Variants in DAB1 observed in about 807,000 individuals in gnomAD.
DAB1 encodes DAB adaptor protein 1.
Under a neutral mutation model 64.6 loss-of-function variants are expected in DAB1, and 15 were observed. The observed-to-expected ratio is 0.23, with a 90% CI of 0.16 to 0.36. The LOEUF (loss-of-function observed/expected upper bound fraction) is 0.36. Ranked by LOEUF, DAB1 falls within the 10% of genes least tolerant of loss-of-function variation. The pLI, the probability that DAB1 is intolerant of heterozygous loss-of-function variation, is 1.00. For synonymous variants in DAB1, 235 were observed against 251.9 expected (o/e 0.93, Z 0.64); for missense variants, 596 against 706.7 (o/e 0.84, Z 1.78).
At chr1:57,625,031 C>T (rs924931430) in intron 7 of DAB1, among the ~76,000 whole-genome samples, 8 of 149,832 alleles carry the variant, frequency 5.3e-5, no homozygotes, top group African/African-American at 1.9e-4. Flanking sequence ...GAAAAGTCAA[C>T]AACAAGTCAA....
chr1:58,269,008 T>A (rs151064393), intron 4 of DAB1, among the ~76,000 whole-genome samples: 2,867 of 23,362 alleles, frequency 0.12, 43 homozygotes, highest in East Asian at 0.38. Context: ...TGTTTTATTT[T>A]TTTATTTATT....
chr1:58,525,042 A>T (rs1227177293), intron 2 of DAB1, among the ~76,000 whole-genome samples: 1 of 152,226 alleles, frequency 6.6e-6, no homozygotes, highest in Non-Finnish European at 1.5e-5. Context: ...TTATGATTTA[A>T]TACTGCATCT....
At chr1:57,049,450 CAAAAAA>C (rs574438911) in intron 9 of DAB1, among the ~76,000 whole-genome samples, 31 of 24,586 alleles carry the variant, frequency 1.3e-3, no homozygotes, top group Admixed American at 2.4e-3. Flanking sequence ...GACTCCGTCT[CAAAAAA>C]AAAAAAAAAA....
rs150645987 is a variant in DAB1 at position 57,300,710 on chromosome 1, G to A, written c.-136-9544C>T. Among the ~76,000 whole-genome samples, 40 of 152,284 alleles carry A rather than the reference G, an allele frequency of 2.6e-4. No homozygotes were observed. The East Asian group carries it at 5.4e-3, about 21-fold the overall frequency. ...ACCCAGTGGTGTACAACCCAAGGAG[G>A]CCCGAAGAAAATCCACTGGGGTGGG... On this transcript the variant is annotated intron_variant, in intron 1 of 14. Coordinates refer to ENST00000371236, the MANE Select transcript of DAB1 (RefSeq NM_001365792.1).
intron 7 of DAB1, among the ~76,000 whole-genome samples, chr1:57,624,219 T>C (rs1022508093): frequency 6.6e-6 from 1 of 152,246 alleles, no homozygotes; most frequent in Non-Finnish European, 1.5e-5. Flanking sequence ...TAGAAGTCAG[T>C]GAATCAATCA....
intron 4 of DAB1, among the ~76,000 whole-genome samples, chr1:57,121,489 C>G (rs759587935): frequency 1.8e-4 from 27 of 151,842 alleles, no homozygotes; most frequent in Non-Finnish European, 3.4e-4. Flanking sequence ...AAGGAATTGT[C>G]CCAACTGGAA....
intron 3 of DAB1, among the ~76,000 whole-genome samples, chr1:58,437,213 G>A (rs1056383719): frequency 5.3e-5 from 8 of 152,294 alleles, no homozygotes; most frequent in African/African-American, 9.6e-5. Context: ...GCCTCACCTC[G>A]GAGAGTCTGA....
intron 5 of DAB1, among the ~76,000 whole-genome samples, chr1:57,949,316 T>C (rs1458936722): frequency 6.6e-6 from 1 of 152,148 alleles, no homozygotes; most frequent in Non-Finnish European, 1.5e-5. Flanking sequence ...AATACCCTGC[T>C]CATCTGACAG....
intron 1 of DAB1, among the ~76,000 whole-genome samples, chr1:57,342,707 A>G (rs111935564): frequency 9.9e-4 from 151 of 152,088 alleles, no homozygotes; most frequent in African/African-American, 3.4e-3. Context: ...TGATGTTCGG[A>G]TGTGTTCAGA....
chr1:57,134,519 C>T (rs1018845679), intron 4 of DAB1, among the ~76,000 whole-genome samples: 6 of 112,280 alleles, frequency 5.3e-5, no homozygotes, highest in South Asian at 3.2e-4. Flanking sequence ...ACCTGGGAGG[C>T]GGAGGTTGTA....
At chr1:58,279,345 C>G (rs1363528300) in intron 4 of DAB1, among the ~76,000 whole-genome samples, 4 of 152,102 alleles carry the variant, frequency 2.6e-5, no homozygotes, top group Non-Finnish European at 5.9e-5. Context: ...ATTAATAAAC[C>G]TAACTCCTGC....
At chr1:57,677,966 G>T (rs1361004168) in intron 6 of DAB1, among the ~76,000 whole-genome samples, 1 of 152,100 alleles carries the variant, frequency 6.6e-6, no homozygotes, top group East Asian at 1.9e-4. Flanking sequence ...CTACACGTTG[G>T]AATCATCTGG....
At chr1:57,594,356 G>A (rs2006803) in intron 7 of DAB1, among the ~76,000 whole-genome samples, 1,757 of 152,216 alleles carry the variant, frequency 0.012, 35 homozygotes, top group African/African-American at 0.041. Context: ...GACGTGACAC[G>A]CAGGATTTTA....
intron 1 of DAB1, among the ~76,000 whole-genome samples, chr1:57,382,159 G>C (rs905454337): frequency 6.6e-6 from 1 of 152,136 alleles, no homozygotes; most frequent in Non-Finnish European, 1.5e-5. Context: ...GAGATTTACC[G>C]TGTGCTGTTG....
At chr1:57,612,987 C>T (rs1645746956) in intron 7 of DAB1, among the ~76,000 whole-genome samples, 1 of 152,160 alleles carries the variant, frequency 6.6e-6, no homozygotes, top group African/African-American at 2.4e-5. Flanking sequence ...TATTGCTGTC[C>T]ACACACCTAT....
chr1:57,157,275 T>G (rs1250091902), intron 2 of DAB1, among the ~76,000 whole-genome samples: 1 of 152,218 alleles, frequency 6.6e-6, no homozygotes, highest in Admixed American at 6.5e-5. Context: ...AATATTTCCC[T>G]GTCTTGGAGG....
intron 2 of DAB1, among the ~76,000 whole-genome samples, chr1:58,513,113 A>C (rs1646107106): frequency 6.6e-6 from 1 of 152,064 alleles, no homozygotes; most frequent in Admixed American, 6.6e-5. Flanking sequence ...GTGTCGAGGG[A>C]GGGACTTGGT....
At position 57,918,765 on chromosome 1, in the gene DAB1, G is replaced by A. The variant is rs575603994; in HGVS notation, n.388-34603C>T. 1.2e-3 allele frequency among the ~76,000 whole-genome samples: 180 copies of A among 152,096 alleles called. 1 individual carries two copies. Among genetic ancestry groups the A allele is most frequent in the Middle Eastern group, 3.4e-3 (1 of 294 alleles). ...TGTGAACCCAGGAGGCAGAGCTTGC[G>A]GTGAGCAGAGATCATGCGACTGCAC... On this transcript the variant is annotated intron_variant and non_coding_transcript_variant, in intron 5 of 20. Transcript: ENST00000485760.
intron 5 of DAB1, among the ~76,000 whole-genome samples, chr1:58,132,833 G>A (rs1278428126): frequency 2.6e-5 from 4 of 152,058 alleles, no homozygotes; most frequent in Non-Finnish European, 5.9e-5. Context: ...GTAGTAGGTC[G>A]CACCCTGGAT....
Sources: gnomAD v4.1 joint callset for allele counts (sites outside exome capture counted in the v4.1 genomes callset) on GRCh38, gnomAD v4.1.1 for gene constraint, MANE v1.5 for transcripts, NCBI Gene and HGNC (gene_info 2026-07-23, HGNC 2026-07-21) for gene names.